SLC6A11: variants seen among roughly 807,000 people sequenced by gnomAD.
SLC6A11 encodes the protein sodium- and chloride-dependent GABA transporter 3.
Under a neutral mutation model 74.8 loss-of-function variants are expected in SLC6A11, and 25 were observed. That is an observed-to-expected ratio of 0.33 (90% CI 0.24 to 0.47). The LOEUF is 0.47. Among genes scored for constraint, SLC6A11 ranks in the 20% least tolerant of loss-of-function variants. The pLI is 1.00. For synonymous variants in SLC6A11, 330 were observed against 330.2 expected, an observed-to-expected ratio of 1.00 and a Z score of 0.01; for missense variants, 574 against 837.0, an observed-to-expected ratio of 0.69 and a Z score of 3.88.
intron 11 of SLC6A11, 47 bp from the exon 12 acceptor site, chr3:10,934,019 A>G: frequency 7.3e-7 from 1 of 1,364,528 alleles, no homozygotes; most frequent in Non-Finnish European, 1.0e-6. Context: ...CTCATGTACA[A>G]AACTTCTCTG....
At position 10,903,300 on chromosome 3, in the gene SLC6A11, G is replaced by A. The variant is rs138722020; in HGVS notation, c.892-8790G>A. Among the ~76,000 whole-genome samples, 13 of 152,292 alleles carry A rather than the reference G, an allele frequency of 8.5e-5. No homozygotes were observed. In the East Asian group the frequency reaches 2.5e-3, roughly 29 times the overall value. ...CACATTTCTAGGGTAGCTTTTTTCT[G>A]TAAGCTGTGTTGCCATAAATGCTGT... On this transcript the variant is annotated intron_variant, in intron 6 of 13. Transcript: ENST00000254488.
intron 6 of SLC6A11, among the ~76,000 whole-genome samples, chr3:10,909,489 G>C (rs902168673): frequency 7.2e-5 from 11 of 152,174 alleles, no homozygotes; most frequent in Non-Finnish European, 1.6e-4. Flanking sequence ...ACCATGTTAG[G>C]GGGAGGGTCC....
intron 5 of SLC6A11, among the ~76,000 whole-genome samples, chr3:10,865,262 G>A (rs1330109904): frequency 6.6e-6 from 1 of 152,206 alleles, no homozygotes; most frequent in Non-Finnish European, 1.5e-5. Flanking sequence ...GGAAGCTTAG[G>A]AAGGTCTCAT....
chr3:10,882,935 C>T (rs1048824580), intron 6 of SLC6A11, among the ~76,000 whole-genome samples: 2 of 152,148 alleles, frequency 1.3e-5, no homozygotes, highest in African/African-American at 2.4e-5. Context: ...CCTTCTGGCA[C>T]CCAGCCTAGG....
intron 6 of SLC6A11, among the ~76,000 whole-genome samples, chr3:10,899,860 G>A (rs1322577056): frequency 1.3e-5 from 2 of 152,216 alleles, no homozygotes; most frequent in Admixed American, 1.3e-4. Flanking sequence ...AAAACTGCAA[G>A]GTTGAAATGC....
At chr3:10,836,862 A>T (rs1413488495) in intron 4 of SLC6A11, among the ~76,000 whole-genome samples, 1 of 152,240 alleles carries the variant, frequency 6.6e-6, no homozygotes. Flanking sequence ...TTTTGTAAAT[A>T]AAGTTTTATT....
At chr3:10,911,154 A>G (rs1695383312) in intron 6 of SLC6A11, among the ~76,000 whole-genome samples, 1 of 152,192 alleles carries the variant, frequency 6.6e-6, no homozygotes, top group Non-Finnish European at 1.5e-5. Context: ...TCAGTAATGC[A>G]TGAAGGGCAG....
intron 5 of SLC6A11, among the ~76,000 whole-genome samples, chr3:10,873,177 G>T (rs143661589): frequency 3.3e-4 from 51 of 152,290 alleles, no homozygotes; most frequent in African/African-American, 1.1e-3. Flanking sequence ...CTTGTGCGAG[G>T]AAGCTCAGAG....
chr3:10,929,716 C>T (rs562603321), intron 10 of SLC6A11, among the ~76,000 whole-genome samples: 8 of 152,298 alleles, frequency 5.3e-5, no homozygotes, highest in African/African-American at 1.4e-4. Flanking sequence ...AGTGGTCTCA[C>T]GTTCAAAGCA....
chr3:10,888,773 C>T (rs1695073465), intron 6 of SLC6A11, among the ~76,000 whole-genome samples: 3 of 152,210 alleles, frequency 2.0e-5, no homozygotes, highest in Admixed American at 2.0e-4. Flanking sequence ...AACCAAGTGC[C>T]TGTCTTCAGG....
chr3:10,847,510 G>A (rs556573227), intron 5 of SLC6A11, among the ~76,000 whole-genome samples: 1 of 152,280 alleles, frequency 6.6e-6, no homozygotes, highest in East Asian at 1.9e-4. Flanking sequence ...TGCTGGAGCT[G>A]TAAAAATCCT....
Position 10,816,394 on chromosome 3 carries a change from C to A in SLC6A11, c.129C>A (p.Arg43=). The change falls in exon 1 of 14, where the codon CGC becomes CGA. Residue 43 remains arginine, a synonymous_variant. Coordinates refer to ENST00000254488, the MANE Select transcript of SLC6A11 (RefSeq NM_014229.3). This position sits in a 1 kb window ranked among gnomAD's most constrained non-coding sequence, Gnocchi z 4.2. ...CCGCGCGCCACCCGCGCGTCAAGCG[C>A]GACAAGGCGGTCCACGAGCGCGGCC... ...AAPARHPRVK[R]DKAVHERGHW... 6.4e-7 allele frequency: 1 copy of A among 1,566,822 alleles called. No individual in the cohort carries two copies. Among genetic ancestry groups the A allele is most frequent in the Non-Finnish European group, 8.6e-7 (1 of 1,157,986 alleles).
rs1487808549 is a variant in SLC6A11 at position 10,830,419 on chromosome 3, T to C, written c.623+7027T>C. Among the ~76,000 whole-genome samples the C allele has an allele frequency of 7.2e-5, 11 of 152,314 alleles. No homozygotes were observed. In the South Asian group the frequency reaches 1.2e-3, roughly 17 times the overall value. On this transcript the variant is annotated intron_variant, in intron 4 of 13. Transcript: ENST00000254488. ...GCATCTATGCACTCACAGGTCTTTATTGAGCACCTACTATATGGCAGGTCT... is the reference window on the plus strand; with the variant it reads ...GCATCTATGCACTCACAGGTCTTTACTGAGCACCTACTATATGGCAGGTCT...
intron 13 of SLC6A11, chr3:10,935,502 T>G (rs12496495): frequency 0.33 from 101,483 of 303,816 alleles, 18,246 homozygotes; most frequent in African/African-American, 0.47. Context: ...GGAAAAGCCC[T>G]GGGACCCAGA....
intron 6 of SLC6A11, among the ~76,000 whole-genome samples, chr3:10,884,048 C>T (rs1445101750): frequency 6.6e-6 from 1 of 152,142 alleles, no homozygotes; most frequent in Non-Finnish European, 1.5e-5. Flanking sequence ...ACAGTGGTGC[C>T]GGGCGGTGCT....
At chr3:10,889,894 A>G (rs758599986) in intron 6 of SLC6A11, among the ~76,000 whole-genome samples, 1 of 152,132 alleles carries the variant, frequency 6.6e-6, no homozygotes, top group African/African-American at 2.4e-5. Context: ...CTCCCATGCC[A>G]GGGGGGAGAG....
intron 4 of SLC6A11, among the ~76,000 whole-genome samples, chr3:10,827,891 G>T (rs893090047): frequency 6.6e-6 from 1 of 152,112 alleles, no homozygotes; most frequent in South Asian, 2.1e-4. Context: ...AATTAAAATT[G>T]CTGGCTTAGC....
chr3:10,921,500 A>G (rs540928625), intron 8 of SLC6A11, among the ~76,000 whole-genome samples: 1 of 152,370 alleles, frequency 6.6e-6, no homozygotes, highest in Admixed American at 6.5e-5. Flanking sequence ...TAGATGAAAC[A>G]AAATTGAAAA....
At chr3:10,886,652 C>G (rs1426939287) in intron 6 of SLC6A11, among the ~76,000 whole-genome samples, 1 of 152,112 alleles carries the variant, frequency 6.6e-6, no homozygotes, top group Non-Finnish European at 1.5e-5. Flanking sequence ...ACTAAAAATA[C>G]AAAAATTAGC....
Sources: allele counts gnomAD v4.1 joint callset (sites outside exome capture counted in the v4.1 genomes callset), GRCh38; gene constraint gnomAD v4.1.1; non-coding constraint Gnocchi (gnomAD v3.1); transcripts MANE v1.5; gene names NCBI Gene and HGNC (gene_info 2026-07-23, HGNC 2026-07-21).